The following PDZD2 variants were observed in gnomAD, a reference collection of about 807,000 sequenced individuals.
PDZD2 encodes PDZ domain containing 2.
A neutral mutation model predicts 220.7 loss-of-function variants in PDZD2; 90 were observed. The observed-to-expected ratio is 0.41, with a 90% CI of 0.34 to 0.49. PDZD2 has a LOEUF of 0.49. Ranked by LOEUF, PDZD2 falls within the 20% of genes least tolerant of loss-of-function variation. The pLI, the probability that PDZD2 is intolerant of heterozygous loss-of-function variation, is 0.28. For missense variants in PDZD2, 3,174 were observed against 3,608.5 expected (o/e 0.88, Z 3.08); for synonymous variants, 1,375 against 1,450.5 (o/e 0.95, Z 1.18).
intron 2 of PDZD2, among the ~76,000 whole-genome samples, chr5:31,924,782 C>T (rs1744595022): frequency 1.3e-5 from 2 of 152,202 alleles, no homozygotes; most frequent in African/African-American, 4.8e-5. Context: ...TTAGAGCTCC[C>T]AGAGCCTTGA....
chr5:31,697,674 C>G (rs534029648), intron 1 of PDZD2, among the ~76,000 whole-genome samples: 1 of 152,102 alleles, frequency 6.6e-6, no homozygotes, highest in Non-Finnish European at 1.5e-5. Flanking sequence ...CCTGAACCAG[C>G]AGGGCAGGGG....
At chr5:32,102,516 A>G (rs1374992131) in intron 24 of PDZD2, among the ~76,000 whole-genome samples, 1 of 151,276 alleles carries the variant, frequency 6.6e-6, no homozygotes. Context: ...GTGTGAACCT[A>G]TGGTACCAGG....
At chr5:31,653,583 G>T (rs1027168716) in intron 1 of PDZD2, among the ~76,000 whole-genome samples, 1 of 152,138 alleles carries the variant, frequency 6.6e-6, no homozygotes, top group Non-Finnish European at 1.5e-5. Flanking sequence ...TCTGATGAAA[G>T]CATCTTAAGA....
At chr5:31,912,297 C>T (rs1360631182) in intron 2 of PDZD2, among the ~76,000 whole-genome samples, 1 of 151,838 alleles carries the variant, frequency 6.6e-6, no homozygotes, top group Non-Finnish European at 1.5e-5. Context: ...CCAGGCAGTT[C>T]TCTAGGGTAT....
intron 1 of PDZD2, among the ~76,000 whole-genome samples, chr5:31,682,397 G>A (rs1316309837): frequency 2.0e-5 from 3 of 152,108 alleles, no homozygotes; most frequent in African/African-American, 4.8e-5. Flanking sequence ...TTGTGTTTCC[G>A]GAAGCCTGGC....
At chr5:31,893,798 A>G (rs1741279696) in intron 2 of PDZD2, among the ~76,000 whole-genome samples, 1 of 152,170 alleles carries the variant, frequency 6.6e-6, no homozygotes, top group Admixed American at 6.6e-5. Flanking sequence ...AAAATTTCAG[A>G]CTAGTTAGAA....
intron 6 of PDZD2, among the ~76,000 whole-genome samples, chr5:32,028,975 G>A (rs1026245440): frequency 4.6e-5 from 7 of 151,998 alleles, no homozygotes; most frequent in Non-Finnish European, 8.8e-5. Context: ...GAGTCACCGC[G>A]CCCAGCCATT....
intron 2 of PDZD2, among the ~76,000 whole-genome samples, chr5:31,906,036 T>G (rs1173408189): frequency 6.8e-6 from 1 of 146,546 alleles, no homozygotes; most frequent in Non-Finnish European, 1.5e-5. Context: ...ATTATTATTT[T>G]TTTGAGACAG....
chr5:32,089,477 A>G lies in PDZD2; in HGVS notation c.6029A>G (p.Asp2010Gly), dbSNP rs1057443565. Residue 2010 changes from aspartate to glycine, a missense_variant, in exon 20 of 25, where the codon GAC becomes GGC. Asp to Gly is a moderately conservative substitution (Grantham distance 94, BLOSUM62 -1). Around this residue, in one of 4 missense-constraint regions of PDZD2, gnomAD observed 1,861 missense variants for 2,001.0 expected, o/e 0.93. Coordinates refer to ENST00000438447, the MANE Select transcript of PDZD2 (RefSeq NM_178140.4). The stretch of plus-strand genomic sequence containing the variant: ...CACATGGCTGTCCTCTCTGAACCCG[A>G]CAGAGGTTGCCCAACCACCCCTAAA... ...RFHMAVLSEP[D>G]RGCPTTPKSP... 10 of 1,613,496 alleles carry G rather than the reference A, an allele frequency of 6.2e-6. No homozygotes were observed. Among genetic ancestry groups the G allele is most frequent in the Non-Finnish European group, 8.5e-6 (10 of 1,180,014 alleles).
At chr5:31,777,438 C>T (rs1052109883) in intron 1 of PDZD2, among the ~76,000 whole-genome samples, 6 of 152,168 alleles carry the variant, frequency 3.9e-5, no homozygotes, top group Admixed American at 6.5e-5. Flanking sequence ...GCCTCCCCGA[C>T]GGGCGCCGCC....
intron 5 of PDZD2, among the ~76,000 whole-genome samples, chr5:32,006,422 T>C (rs777406390): frequency 6.7e-6 from 1 of 149,774 alleles, no homozygotes; most frequent in Non-Finnish European, 1.5e-5. Flanking sequence ...GGTGTAATCA[T>C]ATAGCTCTCT....
chr5:31,882,437 C>T (rs1052655036), intron 2 of PDZD2, among the ~76,000 whole-genome samples: 1 of 152,112 alleles, frequency 6.6e-6, no homozygotes, highest in South Asian at 2.1e-4. Flanking sequence ...TAATTAGAAG[C>T]CTGGACAGTT....
chr5:31,879,927 T>C (rs2150334713), intron 2 of PDZD2, among the ~76,000 whole-genome samples: 1 of 151,432 alleles, frequency 6.6e-6, no homozygotes, highest in Non-Finnish European at 1.5e-5. Context: ...TTTTTTTTTT[T>C]TTTAACACGG....
chr5:32,074,711 G>T (rs1464427406), intron 18 of PDZD2, 68 bp downstream of exon 18: 14 of 1,055,598 alleles, frequency 1.3e-5, no homozygotes, highest in Non-Finnish European at 1.9e-5. Flanking sequence ...GATGGAGTCT[G>T]TTGTAAAGCA....
At position 31,639,745 on chromosome 5, in the gene PDZD2, C is replaced by T. The variant is rs536047196; in HGVS notation, c.-361+308C>T. ...CTGCCGGGGGTACTCAAGACAGGGC[C>T]GGGACCTCCTGCTCGGGCGCGCATC... On this transcript the variant is annotated intron_variant, in intron 1 of 24. Transcript: ENST00000438447. The surrounding 1 kb of genome is among the most constrained non-coding windows in gnomAD (Gnocchi z 4.1). Among the ~76,000 whole-genome samples the T allele has an allele frequency of 1.3e-5, 2 of 152,250 alleles. No homozygotes were observed. Among genetic ancestry groups the T allele is most frequent in the African/African-American group, 4.8e-5 (2 of 41,576 alleles).
At chr5:31,928,323 C>T (rs1256451640) in intron 2 of PDZD2, among the ~76,000 whole-genome samples, 2 of 152,146 alleles carry the variant, frequency 1.3e-5, no homozygotes, top group Non-Finnish European at 2.9e-5. Context: ...CCTGCCTTGG[C>T]CTCTCAAGGT....
At chr5:31,694,767 A>C (rs1747302919) in intron 1 of PDZD2, among the ~76,000 whole-genome samples, 2 of 131,738 alleles carry the variant, frequency 1.5e-5, no homozygotes, top group African/African-American at 2.7e-5. Context: ...CATATGTTAC[A>C]TCCTGGATTT....
rs556276502 is a variant in PDZD2, at chr5:32,014,706, C to CTTTTTTTTTTTTTTTTTTTT, written c.1407+4233_1407+4252dup. 2.8e-3 allele frequency among the ~76,000 whole-genome samples: 267 copies of CTTTTTTTTTTTTTTTTTTTT among 95,420 alleles called. 68 individuals carry two copies. The highest frequency in any genetic ancestry group is 0.011 in the African/African-American group (259 of 22,896). The allele number at this position is 95,420 out of a possible 152,430, so 62.6% of individuals were successfully genotyped here. A position where few individuals can be genotyped will look rare whatever the true frequency, so the allele number is the denominator to read the frequency against. ...ATTTTCTGCTCTGCAATGACAATTT[C>CTTTTTTTTTTTTTTTTTTTT]TTTTTTTTTTTTTTTTTTTTTTTTT... is the stretch of plus-strand genomic sequence containing the variant. On this transcript the variant is annotated intron_variant, in intron 6 of 24. Coordinates refer to ENST00000438447, the MANE Select transcript of PDZD2 (RefSeq NM_178140.4).
chr5:32,010,339 G>A lies in PDZD2; in HGVS notation c.1264G>A (p.Ala422Thr), dbSNP rs139951158. ...AATTGTGTCCCCATAGGAAAACTCC[G>A]CAGAGGACCTCCTCAGGTTAACATC... ...QLVVASKENS[A>T]EDLLRLTSKS... Residue 422 changes from alanine (A) to threonine (T), a missense_variant, in exon 6 of 25, where the codon GCA (alanine) becomes ACA (threonine). Around this residue, in one of 4 missense-constraint regions of PDZD2, gnomAD observed 632 missense variants for 708.1 expected, o/e 0.89. Transcript: ENST00000438447. 5.4e-4 allele frequency: 863 copies of A among 1,600,994 alleles called. 2 individuals carry two copies. The African/African-American group carries it at 6.2e-3, about 11-fold the overall frequency.
Sources: allele counts gnomAD v4.1 joint callset (sites outside exome capture counted in the v4.1 genomes callset), GRCh38; gene constraint gnomAD v4.1.1; regional missense constraint gnomAD v4.1.1; non-coding constraint Gnocchi (gnomAD v3.1); transcripts MANE v1.5; gene names NCBI Gene and HGNC (gene_info 2026-07-23, HGNC 2026-07-21).